The following LRRC4C variants were observed in gnomAD, a reference collection of about 807,000 sequenced individuals.
LRRC4C encodes leucine rich repeat containing 4C.
Under a neutral mutation model 33.6 loss-of-function variants are expected in LRRC4C, and 5 were observed. The observed-to-expected ratio is 0.15, with a 90% CI of 0.08 to 0.31. The LOEUF is 0.31. LRRC4C is among the 10% of genes least tolerant of loss of function. LRRC4C has a pLI of 1.00. For synonymous variants in LRRC4C, 329 were observed against 302.0 expected, an observed-to-expected ratio of 1.09 and a Z score of -0.93; for missense variants, 560 against 796.7, an observed-to-expected ratio of 0.70 and a Z score of 3.58.
intron 3 of LRRC4C, among the ~76,000 whole-genome samples, chr11:40,550,625 T>C (rs1410457392): frequency 6.6e-6 from 1 of 152,154 alleles, no homozygotes; most frequent in Non-Finnish European, 1.5e-5. Context: ...CCTTTTGAAT[T>C]CTTCAATCCA....
At chr11:41,134,673 C>CT (rs896321145) in intron 1 of LRRC4C, among the ~76,000 whole-genome samples, 12 of 152,206 alleles carry the variant, frequency 7.9e-5, no homozygotes, top group African/African-American at 2.2e-4. Context: ...GGAGGATCCT[C>CT]TTTTTATAAA....
chr11:41,169,676 T>C (rs532400994), intron 1 of LRRC4C, among the ~76,000 whole-genome samples: 1 of 152,316 alleles, frequency 6.6e-6, no homozygotes, highest in South Asian at 2.1e-4. Context: ...CATTCAATAC[T>C]GATCGCACTT....
intron 1 of LRRC4C, among the ~76,000 whole-genome samples, chr11:41,372,722 C>T (rs1952795229): frequency 7.0e-6 from 1 of 142,862 alleles, no homozygotes; most frequent in Admixed American, 7.3e-5. Flanking sequence ...GGGTTTGGGG[C>T]TAGGAGAGGT....
intron 5 of LRRC4C, among the ~76,000 whole-genome samples, chr11:40,189,132 C>T (rs562622366): frequency 1.2e-4 from 18 of 152,180 alleles, no homozygotes; most frequent in African/African-American, 3.6e-4. Context: ...TCTAATTTAA[C>T]GTCATGGTCT....
intron 1 of LRRC4C, among the ~76,000 whole-genome samples, chr11:41,409,984 G>A (rs992949809): frequency 2.0e-5 from 3 of 152,132 alleles, no homozygotes; most frequent in African/African-American, 7.2e-5. Flanking sequence ...TAAGAAAATA[G>A]TCTCAATAAT....
At chr11:40,138,279 T>C (rs1029125699) in intron 6 of LRRC4C, among the ~76,000 whole-genome samples, 1 of 152,082 alleles carries the variant, frequency 6.6e-6, no homozygotes, top group Non-Finnish European at 1.5e-5. Context: ...GTAAACCTTC[T>C]ACCTCAGCCT....
intron 3 of LRRC4C, among the ~76,000 whole-genome samples, chr11:40,526,093 G>A (rs566960526): frequency 2.6e-5 from 4 of 151,800 alleles, no homozygotes; most frequent in Non-Finnish European, 5.9e-5. Context: ...AAAGTACTAG[G>A]TGTAGTTTTA....
intron 1 of LRRC4C, among the ~76,000 whole-genome samples, chr11:41,423,382 T>G (rs1954936133): frequency 6.6e-6 from 1 of 152,102 alleles, no homozygotes; most frequent in Non-Finnish European, 1.5e-5. Context: ...TTTTAAACTT[T>G]TCTTGATCCT....
chr11:40,200,180 T>TAAAAA lies in LRRC4C; in HGVS notation c.-96+41334_-96+41338dup, dbSNP rs56269292. Among the ~76,000 whole-genome samples the TAAAAA allele has an allele frequency of 1.5e-3, 39 of 26,048 alleles. 2 individuals carry two copies. Among genetic ancestry groups the TAAAAA allele is most frequent in the African/African-American group, 4.9e-3 (36 of 7,286 alleles). 17.1% of individuals were successfully genotyped at this position (26,048 alleles called of 152,430 possible). A position where few individuals can be genotyped will look rare whatever the true frequency, so the allele number is the denominator to read the frequency against. On this transcript the variant is annotated intron_variant, in intron 5 of 6. Coordinates refer to ENST00000528697, the MANE Select transcript of LRRC4C (RefSeq NM_001258419.2). ...CAAAATGGAGAAAGCCTGTCTCCACTAAAAAAAAAAAAAAAAAAAAAAAAA... is the reference window on the plus strand; with the variant it reads ...CAAAATGGAGAAAGCCTGTCTCCACTAAAAAAAAAAAAAAAAAAAAAAAAAAAAAA...
At chr11:40,138,816 G>A (rs1381371976) in intron 6 of LRRC4C, among the ~76,000 whole-genome samples, 2 of 152,138 alleles carry the variant, frequency 1.3e-5, no homozygotes, top group African/African-American at 2.4e-5. Flanking sequence ...GGAAAATAAG[G>A]ACTCAGGAGA....
chr11:40,945,388 A>C (rs751261558), intron 1 of LRRC4C, among the ~76,000 whole-genome samples: 2 of 152,120 alleles, frequency 1.3e-5, no homozygotes, highest in East Asian at 3.9e-4. Flanking sequence ...TGTTTTTAAA[A>C]AAAGTTATCA....
chr11:40,408,058 T>C (rs1950022654), intron 3 of LRRC4C, among the ~76,000 whole-genome samples: 1 of 152,032 alleles, frequency 6.6e-6, no homozygotes, highest in Non-Finnish European at 1.5e-5. Context: ...TCTCATTTCT[T>C]TGTATTAAAA....
chr11:41,174,092 T>A (rs1379883623), intron 1 of LRRC4C, among the ~76,000 whole-genome samples: 1 of 152,096 alleles, frequency 6.6e-6, no homozygotes, highest in African/African-American at 2.4e-5. Context: ...ATATTGCCTA[T>A]TTTGTGATAC....
intron 2 of LRRC4C, among the ~76,000 whole-genome samples, chr11:40,899,006 G>T (rs1037620066): frequency 6.6e-6 from 1 of 151,144 alleles, no homozygotes; most frequent in Admixed American, 6.6e-5. Context: ...TTTGACCACA[G>T]AATATACTGC....
intron 1 of LRRC4C, among the ~76,000 whole-genome samples, chr11:40,970,600 T>C (rs1434285572): frequency 6.6e-6 from 1 of 152,126 alleles, no homozygotes; most frequent in East Asian, 1.9e-4. Flanking sequence ...TATAAAGATA[T>C]CTGAATATGT....
intron 1 of LRRC4C, among the ~76,000 whole-genome samples, chr11:41,062,104 C>T (rs1049152474): frequency 1.3e-5 from 2 of 152,206 alleles, no homozygotes; most frequent in Non-Finnish European, 2.9e-5. Flanking sequence ...GTTTAAAAAA[C>T]TTATTATAAT....
Position 40,922,604 on chromosome 11 carries a change from C to T in LRRC4C, c.-407+11031G>A, listed in dbSNP as rs141225224. Among the ~76,000 whole-genome samples, 224 of 152,296 alleles carry T rather than the reference C, an allele frequency of 1.5e-3. 2 individuals carry two copies. The highest frequency in any genetic ancestry group is 5.3e-3 in the African/African-American group (220 of 41,566). On this transcript the variant is annotated intron_variant, in intron 2 of 6. Transcript: ENST00000528697. ...CAAAAGTACACCCTGGTGCCATAAA[C>T]TCCCTTCTGACTAGTTTTCTATGCT...
intron 3 of LRRC4C, among the ~76,000 whole-genome samples, chr11:40,346,759 C>T (rs77251429): frequency 0.012 from 1,786 of 152,226 alleles, 32 homozygotes; most frequent in African/African-American, 0.04. Context: ...CATCAGAGCT[C>T]TTGAGTGACC....
chr11:40,760,800 TACACACACACAC>T (rs796080368), intron 2 of LRRC4C, among the ~76,000 whole-genome samples: 1 of 52,856 alleles, frequency 1.9e-5, no homozygotes, highest in Non-Finnish European at 3.8e-5. Flanking sequence ...TATATATATA[TACACACACACAC>T]ACACACACAC....
Sources: gnomAD v4.1 joint callset for allele counts (sites outside exome capture counted in the v4.1 genomes callset) on GRCh38, gnomAD v4.1.1 for gene constraint, MANE v1.5 for transcripts, NCBI Gene and HGNC (gene_info 2026-07-23, HGNC 2026-07-21) for gene names.